The following GEN1 variants were observed in gnomAD, a reference collection of about 807,000 sequenced individuals.
The protein encoded by GEN1 is flap endonuclease GEN homolog 1.
A neutral mutation model predicts 67.6 loss-of-function variants in GEN1; 64 were observed. The observed-to-expected ratio is 0.95, with a 90% CI of 0.77 to 1.17. The LOEUF (loss-of-function observed/expected upper bound fraction) is 1.17. Ranked by LOEUF, GEN1 falls within the 50% of genes most tolerant of loss-of-function variation. The probability of loss-of-function intolerance (pLI) is 0.00; values close to 1 mark genes in which losing one functional copy is unlikely to be tolerated. For missense variants in GEN1, 1,058 were observed against 1,048.3 expected, an observed-to-expected ratio of 1.01 and a Z score of -0.13; for synonymous variants, 371 against 359.4, an observed-to-expected ratio of 1.03 and a Z score of -0.37.
At chr2:17,764,830 G>T (rs765778160) in intron 3 of GEN1, 67 bp from the exon 4 acceptor site, 18 of 1,403,502 alleles carry the variant, frequency 1.3e-5, no homozygotes, top group Non-Finnish European at 1.7e-5. Flanking sequence ...ACAGAAATAG[G>T]TTTAATAGTA....
chr2:17,778,348 A>ATGTG (rs1491352787), intron 12 of GEN1, among the ~76,000 whole-genome samples: 1 of 6,712 alleles, frequency 1.5e-4, no homozygotes, highest in African/African-American at 2.5e-4. Flanking sequence ...ATACACACAC[A>ATGTG]TGTGTGTACA....
Position 17,781,269 on chromosome 2 carries a change from A to G in GEN1, c.2057A>G (p.Gln686Arg). ...ATATTTACAAAATTATCATATCCTCAGGATAATCTACAACCAGATGTCAAC... is the reference window on the plus strand; with the variant it reads ...ATATTTACAAAATTATCATATCCTCGGGATAATCTACAACCAGATGTCAAC... ...ERIFTKLSYP[Q>R]DNLQPDVNLK... The change falls in exon 14 of 14, where the codon CAG (glutamine) becomes CGG (arginine). Residue 686 changes from glutamine (Q) to arginine (R), a missense_variant. Coordinates refer to ENST00000381254, the MANE Select transcript of GEN1 (RefSeq NM_001130009.3). The G allele has an allele frequency of 6.2e-7, 1 of 1,613,668 alleles. No homozygotes were observed. The highest frequency in any genetic ancestry group is 1.1e-5 in the South Asian group (1 of 91,072).
At position 17,782,099 on chromosome 2, in the gene GEN1, C is replaced by G; in HGVS notation, c.*160C>G. Reference sequence around the variant, plus strand: ...AAAGTTGTAATTTTTAAAAAGTCACCTAAAACTCTGGTTTTAAAAGATCCT... The same window carrying G: ...AAAGTTGTAATTTTTAAAAAGTCACGTAAAACTCTGGTTTTAAAAGATCCT... On this transcript the variant is annotated 3_prime_UTR_variant, in exon 14 of 14. Coordinates refer to ENST00000381254, the MANE Select transcript of GEN1 (RefSeq NM_001130009.3). 2.0e-6 allele frequency: 1 copy of G among 498,580 alleles called. No individual in the cohort carries two copies. Among genetic ancestry groups the G allele is most frequent in the East Asian group, 3.2e-5 (1 of 31,404 alleles). The allele number at this position is 498,580 out of a possible 1,614,324, so 30.9% of individuals were successfully genotyped here. A position where few individuals can be genotyped will look rare whatever the true frequency, so the allele number is the denominator to read the frequency against.
In GEN1 at chr2:17,785,473, T is replaced by C. The variant is rs1673026934; in HGVS notation, c.*3534T>C. The C allele has an allele frequency of 6.6e-6, 1 of 152,406 alleles. No individual in the cohort carries two copies. The highest frequency in any genetic ancestry group is 1.5e-5 in the Non-Finnish European group (1 of 68,168). The allele number at this position is 152,406 out of a possible 1,614,324, so 9.4% of individuals were successfully genotyped here. On this transcript the variant is annotated 3_prime_UTR_variant, in exon 14 of 14. Transcript: ENST00000381254. ...CTGCCAAAGATCTGCCTCCAGCTGCTAGGATCCTGTAATTGGTTTCTTTCT... is the reference window on the plus strand; with the variant it reads ...CTGCCAAAGATCTGCCTCCAGCTGCCAGGATCCTGTAATTGGTTTCTTTCT...
rs759707231 is a variant in GEN1, at chr2:17,781,510, CA to C, written c.2300del (p.Asn767MetfsTer9). ...SVSNTVVKTC[N>X]VRPPNTALDH... ...TCAGTAACACAGTGGTAAAGACCTG[CA>C]ATGTTAGACCACCAAATACTGCTTT... On this transcript the variant is annotated frameshift_variant, in exon 14 of 14. Transcript: ENST00000381254. LOFTEE classifies it low-confidence loss of function (END_TRUNC). The C allele has an allele frequency of 6.2e-7, 1 of 1,613,612 alleles. No individual in the cohort carries two copies. The highest frequency in any genetic ancestry group is 1.3e-5 in the African/African-American group (1 of 75,030).
intron 12 of GEN1, among the ~76,000 whole-genome samples, chr2:17,778,458 A>ACACATG: frequency 9.8e-5 from 2 of 20,490 alleles, no homozygotes; most frequent in African/African-American, 2.9e-4. Flanking sequence ...ATGTGTGTAC[A>ACACATG]TATATGTATA....
intron 6 of GEN1, chr2:17,770,966 C>T: frequency 3.7e-6 from 2 of 534,550 alleles, no homozygotes; most frequent in South Asian, 1.7e-5. Flanking sequence ...TAGATACACA[C>T]ACACATATAC....
At chr2:17,763,133 T>A (rs1395683420) in intron 3 of GEN1, among the ~76,000 whole-genome samples, 1 of 152,160 alleles carries the variant, frequency 6.6e-6, no homozygotes, top group Non-Finnish European at 1.5e-5. Context: ...CATATTTGCT[T>A]TGAATTTGTT....
intron 1 of GEN1, among the ~76,000 whole-genome samples, chr2:17,758,994 T>A (rs746138039): frequency 4.6e-5 from 7 of 152,246 alleles, no homozygotes; most frequent in Non-Finnish European, 2.9e-5. Flanking sequence ...TTGAGAAAAT[T>A]TACCTTTAGA....
chr2:17,766,386 T>TCTCAAACTCCTGACCTCAAGTGATA (rs1167515616), intron 4 of GEN1, among the ~76,000 whole-genome samples, 193 bp from the exon 5 acceptor site: 3 of 152,102 alleles, frequency 2.0e-5, no homozygotes, highest in Non-Finnish European at 4.4e-5. Flanking sequence ...GCCAGGCTGG[T>TCTCAAACTCCTGACCTCAAGTGATA]CTCAAACTCC....
intron 3 of GEN1, among the ~76,000 whole-genome samples, chr2:17,763,816 T>C (rs1671795496): frequency 6.6e-6 from 1 of 152,358 alleles, no homozygotes; most frequent in Non-Finnish European, 1.5e-5. Context: ...AAAAGTGATA[T>C]TTTTCAACAT....
At chr2:17,774,755 A>G (rs1237319360) in intron 11 of GEN1, among the ~76,000 whole-genome samples, 1 of 152,002 alleles carries the variant, frequency 6.6e-6, no homozygotes. Flanking sequence ...CAGCCGTATC[A>G]TCCAGGAGGT....
Position 17,787,779 on chromosome 2 carries a change from C to G in GEN1, c.*5840C>G, listed in dbSNP as rs200701897. On this transcript the variant is annotated 3_prime_UTR_variant, in exon 14 of 14. Transcript: ENST00000381254. ...TCTCTACAAAAAATACAAAAATTAG[C>G]CGGGTGTGGTGATGGGTACCTGTAA... 6.6e-6 allele frequency: 1 copy of G among 152,234 alleles called. No individual in the cohort carries two copies. Among genetic ancestry groups the G allele is most frequent in the South Asian group, 2.1e-4 (1 of 4,830 alleles). The allele number at this position is 152,234 out of a possible 1,614,324, so 9.4% of individuals were successfully genotyped here.
intron 1 of GEN1, among the ~76,000 whole-genome samples, chr2:17,758,476 C>T (rs544054812): frequency 1.3e-5 from 2 of 152,158 alleles, no homozygotes; most frequent in African/African-American, 4.8e-5. Context: ...ATTTGTACTG[C>T]ACTCTTTTTC....
rs1447204883 is a variant in GEN1 at position 17,784,917 on chromosome 2, G to C, written c.*2978G>C. 1 of 152,174 alleles carries C rather than the reference G, an allele frequency of 6.6e-6. No individual in the cohort carries two copies. Among genetic ancestry groups the C allele is most frequent in the Non-Finnish European group, 1.5e-5 (1 of 68,042 alleles). 9.4% of individuals were successfully genotyped at this position (152,174 alleles called of 1,614,324 possible). The stretch of plus-strand genomic sequence containing the variant: ...TCCCCAACCCCTGGGCTATGGACAG[G>C]TACCAGTCCATCACCTGTCAGGAAC... On this transcript the variant is annotated 3_prime_UTR_variant, in exon 14 of 14. Coordinates refer to ENST00000381254, the MANE Select transcript of GEN1 (RefSeq NM_001130009.3).
intron 6 of GEN1, chr2:17,770,929 AT>A (rs971111422): frequency 3.1e-5 from 11 of 353,812 alleles, no homozygotes; most frequent in East Asian, 1.3e-4. Context: ...TATATATACA[AT>A]TTTTTTTAAT....
In GEN1 at chr2:17,778,102, A is replaced by C. The variant is rs1441164235; in HGVS notation, c.1264+39A>C. On this transcript the variant is annotated intron_variant, in intron 12 of 13. Transcript: ENST00000381254. Reference sequence around the variant, plus strand: ...TTAAGCAAAATATTCCATTTATAATATTTGACCATGTATGTCTAGTAAATA... The same window carrying C: ...TTAAGCAAAATATTCCATTTATAATCTTTGACCATGTATGTCTAGTAAATA... The C allele has an allele frequency of 2.7e-6, 3 of 1,131,580 alleles. No individual in the cohort carries two copies. In the African/African-American group the frequency reaches 4.6e-5, roughly 17 times the overall value. The allele number at this position is 1,131,580 out of a possible 1,614,324, so 70.1% of individuals were successfully genotyped here.
In GEN1 at chr2:17,773,116, G is replaced by T. The variant is rs773850838; in HGVS notation, c.974G>T (p.Gly325Val). ...TTCAGGAAAGCTTGCTGTTGTGAGG[G>T]ATTCCCATTCCATGAGGTAATATCC... ...NIKKKACCCE[G>V]FPFHEVIQEF... Residue 325 changes from glycine (G) to valine (V), a missense_variant, in exon 9 of 14, where the codon GGA becomes GTA. Coordinates refer to ENST00000381254, the MANE Select transcript of GEN1 (RefSeq NM_001130009.3). 8 of 1,584,520 alleles carry T rather than the reference G, an allele frequency of 5.0e-6. No homozygotes were observed. In the East Asian group the frequency reaches 1.3e-4, roughly 27 times the overall value.
At position 17,764,992 on chromosome 2, in the gene GEN1, C is replaced by G. The variant is rs542006404; in HGVS notation, c.444C>G (p.Val148=). 6.2e-7 allele frequency: 1 copy of G among 1,614,122 alleles called. No individual in the cohort carries two copies. ...MCAYLNAGGH[V]DGCLTNDGDT... ...CTTATCTCAATGCTGGTGGTCATGT[C>G]GATGGCTGCCTCACCAATGATGGAG... The change falls in exon 4 of 14, where the codon GTC becomes GTG. Residue 148 remains valine (V), a synonymous_variant. Transcript: ENST00000381254.
Sources: gnomAD v4.1 joint callset for allele counts (sites outside exome capture counted in the v4.1 genomes callset) on GRCh38, gnomAD v4.1.1 for gene constraint, MANE v1.5 for transcripts, NCBI Gene and HGNC (gene_info 2026-07-23, HGNC 2026-07-21) for gene names.